COL2A1: variants seen among roughly 807,000 people sequenced by gnomAD.
The protein encoded by COL2A1 is collagen alpha-1(II) chain.
A neutral mutation model predicts 204.5 loss-of-function variants in COL2A1; 28 were observed. That is an observed-to-expected ratio of 0.14 (90% CI 0.10 to 0.19). COL2A1 has a LOEUF of 0.19. Among genes scored for constraint, COL2A1 ranks in the 10% least tolerant of loss-of-function variants. The pLI is 1.00. For missense variants in COL2A1, 1,388 were observed against 2,027.5 expected (o/e 0.68, Z 6.06); for synonymous variants, 708 against 718.7 (o/e 0.99, Z 0.24).
In COL2A1 at chr12:47,978,794, T is replaced by G; in HGVS notation, c.2734-36A>C. 1 of 1,605,060 alleles carries G rather than the reference T, an allele frequency of 6.2e-7. No homozygotes were observed. Among genetic ancestry groups the G allele is most frequent in the Non-Finnish European group, 8.5e-7 (1 of 1,177,422 alleles). On this transcript the variant is annotated intron_variant, in intron 41 of 53. Coordinates refer to ENST00000380518, the MANE Select transcript of COL2A1 (RefSeq NM_001844.5). The surrounding 1 kb of genome is among the most constrained non-coding windows in gnomAD (Gnocchi z 5.5). ...AAAATGCGGGAAGTGAGGACTCATC[T>G]CACCCTTCCTCATCCAGGCTGCCAA...
chr12:48,004,485 C>G (rs946049547), upstream of COL2A1: 1 of 544,676 alleles, frequency 1.8e-6, no homozygotes, highest in African/African-American at 2.0e-5. Context: ...GCGTCTTCTC[C>G]CCGCCGCGGC....
rs753804607 is a variant in COL2A1 at position 47,998,219 on chromosome 12, C to G, written c.310-18G>C. 4.3e-6 allele frequency: 7 copies of G among 1,613,982 alleles called. No homozygotes were observed. The South Asian group carries it at 7.7e-5, about 18-fold the overall frequency. On this transcript the variant is annotated intron_variant, in intron 3 of 53. Coordinates refer to ENST00000380518, the MANE Select transcript of COL2A1 (RefSeq NM_001844.5). ...TTCTGTCCCTGAAACATGAAACATT[C>G]ACAGGATTAAGCCGAGTAAGCCCAC...
At position 47,999,949 on chromosome 12, in the gene COL2A1, T is replaced by A. The variant is rs760745824; in HGVS notation, c.262A>T (p.Ile88Phe). ...GCAGTGGCGAGGTCAGTTGGGCAGA[T>A]GGGGCAGCACTCTCCGAAGGGGATC... is the stretch of plus-strand genomic sequence containing the variant. ...PEIPFGECCP[I>F]CPTDLATASG... Residue 88 changes from isoleucine (I) to phenylalanine (F), a missense_variant, in exon 2 of 54, where the codon ATC becomes TTC. By Grantham distance (21) the Ile-to-Phe change is conservative. Transcript: ENST00000380518. The A allele has an allele frequency of 6.2e-7, 1 of 1,614,062 alleles. No individual in the cohort carries two copies. Among genetic ancestry groups the A allele is most frequent in the African/African-American group, 1.3e-5 (1 of 74,922 alleles).
In COL2A1 at chr12:47,976,004, G is replaced by A; in HGVS notation, c.3556C>T (p.Pro1186Ser). 1 of 1,614,130 alleles carries A rather than the reference G, an allele frequency of 6.2e-7. No homozygotes were observed. The highest frequency in any genetic ancestry group is 1.1e-5 in the South Asian group (1 of 91,084). ...CCTGATCGTCCACGGGGACCAGGAGGCCCAATGGGGCCAGGGATTCCATTA... is the reference window on the plus strand; with the variant it reads ...CCTGATCGTCCACGGGGACCAGGAGACCCAATGGGGCCAGGGATTCCATTA... ...GANGIPGPIGPPGPRGRSGET... is the reference protein window; with the variant it reads ...GANGIPGPIGSPGPRGRSGET... Residue 1186 changes from proline to serine, a missense_variant, in exon 50 of 54, where the codon CCT becomes TCT. Physicochemically the swap from Pro to Ser is moderately conservative, Grantham distance 74 (BLOSUM62 -1). Coordinates refer to ENST00000380518, the MANE Select transcript of COL2A1 (RefSeq NM_001844.5). This position sits in a 1 kb window ranked among gnomAD's most constrained non-coding sequence, Gnocchi z 4.3.
intron 1 of COL2A1, among the ~76,000 whole-genome samples, chr12:48,001,681 CTG>C (rs1009203874): frequency 2.0e-5 from 3 of 152,186 alleles, no homozygotes; most frequent in African/African-American, 7.2e-5. Flanking sequence ...CTGAGTGACT[CTG>C]TGGCTGCGGC....
intron 51 of COL2A1, 77 bp from the exon 52 acceptor site, chr12:47,974,939 TGAAA>T (rs1555164604): frequency 6.9e-6 from 10 of 1,458,382 alleles, no homozygotes; most frequent in South Asian, 1.3e-5. Context: ...CAGGCCTGAC[TGAAA>T]GAGACAGAGA....
At chr12:47,986,925 TC>T in intron 21 of COL2A1, 37 bp from the exon 22 acceptor site, 1 of 1,613,354 alleles carries the variant, frequency 6.2e-7, no homozygotes, top group Admixed American at 1.7e-5. Flanking sequence ...CCAGATTCTC[TC>T]CAGGGAGCCT....
At chr12:47,982,191 C>G (rs201069937) in intron 34 of COL2A1, 31 bp from the exon 35 acceptor site, 1 of 1,600,350 alleles carries the variant, frequency 6.2e-7, no homozygotes, top group East Asian at 2.2e-5. Context: ...CCGCCTCAGC[C>G]AGGCACCCCA....
chr12:47,997,594 A>G lies in COL2A1; in HGVS notation c.531+12T>C. On this transcript the variant is annotated intron_variant, in intron 7 of 53. Transcript: ENST00000380518. ...GGGACAGCCTGAAGGAATGGGAAGT[A>G]AGGATACTTACTCCACCAAGACCAG... 6.2e-7 allele frequency: 1 copy of G among 1,613,900 alleles called. No individual in the cohort carries two copies. Among genetic ancestry groups the G allele is most frequent in the Middle Eastern group, 1.7e-4 (1 of 6,060 alleles).
intron 10 of COL2A1, 141 bp from the exon 11 acceptor site, chr12:47,995,449 G>A: frequency 1.2e-6 from 1 of 850,406 alleles, no homozygotes; most frequent in South Asian, 1.4e-5. Context: ...AAGGTGCAGA[G>A]ATCATAGTGG....
Position 47,998,677 on chromosome 12 carries a change from T to C in COL2A1, c.293-246A>G. On this transcript the variant is annotated intron_variant, in intron 2 of 53. Transcript: ENST00000380518. ...TTTGTTATTCAAAAAGCAGGCAGCA[T>C]GCAAAAGAAAGGAGCAAGGGCAGCA... 4 of 530,656 alleles carry C rather than the reference T, an allele frequency of 7.5e-6. No individual in the cohort carries two copies. In the South Asian group the frequency reaches 9.9e-5, roughly 13 times the overall value. 32.9% of individuals were successfully genotyped at this position (530,656 alleles called of 1,614,324 possible).
At chr12:47,998,383 A>C in intron 3 of COL2A1, 32 bp downstream of exon 3, 1 of 1,581,050 alleles carries the variant, frequency 6.3e-7, no homozygotes, top group Non-Finnish European at 8.6e-7. Flanking sequence ...AGCCAAAAAA[A>C]TATGAAAAAA....
At chr12:48,002,021 G>A (rs2136644318) in intron 1 of COL2A1, among the ~76,000 whole-genome samples, 1 of 152,326 alleles carries the variant, frequency 6.6e-6, no homozygotes, top group South Asian at 2.1e-4. Flanking sequence ...GGCATTGTGG[G>A]AGAGGGGGTC....
chr12:47,976,631 G>A lies in COL2A1; in HGVS notation c.3436-64C>T. ...AGACATATCTATCTATATTCTGGGA[G>A]CTGGGGGAACAGCTTTATGTCCCAG... On this transcript the variant is annotated intron_variant, in intron 48 of 53. Transcript: ENST00000380518. This position sits in a 1 kb window ranked among gnomAD's most constrained non-coding sequence, Gnocchi z 4.3. The A allele has an allele frequency of 6.4e-7, 1 of 1,556,614 alleles. No individual in the cohort carries two copies.
At position 47,973,483 on chromosome 12, in the gene COL2A1, A is replaced by G. The variant is rs748077700; in HGVS notation, c.4388T>C (p.Ile1463Thr). 5 of 1,614,132 alleles carry G rather than the reference A, an allele frequency of 3.1e-6. No homozygotes were observed. Among genetic ancestry groups the G allele is most frequent in the Non-Finnish European group, 4.2e-6 (5 of 1,180,010 alleles). Residue 1463 changes from isoleucine to threonine, a missense_variant, in exon 54 of 54, where the codon ATT becomes ACT. Ile to Thr is a moderately conservative substitution (Grantham distance 89). Transcript: ENST00000380518. ...RSQKTSRLPIIDIAPMDIGGP... is the reference protein window; with the variant it reads ...RSQKTSRLPITDIAPMDIGGP... ...TCCTATGTCCATGGGTGCAATGTCA[A>G]TGATGGGGAGGCGTGAGGTCTTCTG...
rs768225873 is a variant in COL2A1 at position 47,986,340 on chromosome 12, T to C, written c.1523A>G (p.Glu508Gly). 1.2e-5 allele frequency: 18 copies of C among 1,556,806 alleles called. No individual in the cohort carries two copies. Among genetic ancestry groups the C allele is most frequent in the Admixed American group, 1.9e-5 (1 of 52,498 alleles). Residue 508 changes from glutamate (E) to glycine (G), a missense_variant, in exon 23 of 54, where the codon GAA becomes GGA. Glu to Gly is a moderately conservative substitution (Grantham distance 98). Around this residue, in one of 3 missense-constraint regions of COL2A1, gnomAD observed 884 missense variants for 1,415.8 expected, o/e 0.62. Coordinates refer to ENST00000380518, the MANE Select transcript of COL2A1 (RefSeq NM_001844.5). Reference protein sequence around the residue: ...GGVGPIGPPGERGAPGNRGFP... With the variant: ...GGVGPIGPPGGRGAPGNRGFP... ...GAGCCTCCACATTCACTTAACTCTT[T>C]CTCCAGGGGGACCGATGGGCCCAAC...
At position 47,987,580 on chromosome 12, in the gene COL2A1, C is replaced by T. The variant is rs1010041685; in HGVS notation, c.1221+31G>A. 1.3e-6 allele frequency: 2 copies of T among 1,557,768 alleles called. No individual in the cohort carries two copies. Among genetic ancestry groups the T allele is most frequent in the South Asian group, 1.1e-5 (1 of 87,912 alleles). ...GAGTTCCAAAGCCACAGACCCCAGA[C>T]CCCCCCAGGCCAAAGAGAAGCTGCA... On this transcript the variant is annotated intron_variant, in intron 19 of 53. Transcript: ENST00000380518. The surrounding 1 kb of genome is among the most constrained non-coding windows in gnomAD (Gnocchi z 4.1).
chr12:47,982,008 G>T, intron 35 of COL2A1, 99 bp downstream of exon 35: 1 of 1,359,652 alleles, frequency 7.4e-7, no homozygotes, highest in Non-Finnish European at 1.1e-6. Context: ...GACAGGACCA[G>T]GGACCCCAGT....
chr12:47,993,831 T>C lies in COL2A1; in HGVS notation c.902A>G (p.Glu301Gly), dbSNP rs766401230. 5 of 1,614,026 alleles carry C rather than the reference T, an allele frequency of 3.1e-6. No individual in the cohort carries two copies. The highest frequency in any genetic ancestry group is 4.2e-6 in the Non-Finnish European group (5 of 1,180,000). The change falls in exon 14 of 54, where the codon GAG (glutamate) becomes GGG (glycine). Residue 301 changes from glutamate (E) to glycine (G), a missense_variant. By Grantham distance (98) the Glu-to-Gly change is moderately conservative. Around this residue, in one of 3 missense-constraint regions of COL2A1, gnomAD observed 884 missense variants for 1,415.8 expected, o/e 0.62. Coordinates refer to ENST00000380518, the MANE Select transcript of COL2A1 (RefSeq NM_001844.5). ...GYPGLDGAKG[E>G]AGAPGVKGES... ...CACCTTCACACCAGGAGCACCCGCC[T>C]CTCCCTTAGCACCGTCCAGGCCTGG... is the stretch of plus-strand genomic sequence containing the variant.
Sources: allele counts gnomAD v4.1 joint callset (sites outside exome capture counted in the v4.1 genomes callset), GRCh38; gene constraint gnomAD v4.1.1; regional missense constraint gnomAD v4.1.1; non-coding constraint Gnocchi (gnomAD v3.1); transcripts MANE v1.5; gene names NCBI Gene and HGNC (gene_info 2026-07-23, HGNC 2026-07-21).